Variants in MYO9B observed in about 807,000 individuals in gnomAD.
MYO9B encodes unconventional myosin-IXb.
A neutral mutation model predicts 229.5 loss-of-function variants in MYO9B; 71 were observed. The observed-to-expected ratio is 0.31, with a 90% CI of 0.26 to 0.38. The LOEUF is 0.38. Ranked by LOEUF, MYO9B falls within the 10% of genes least tolerant of loss-of-function variation. MYO9B has a pLI of 1.00. For synonymous variants in MYO9B, 1,185 were observed against 1,235.8 expected (o/e 0.96, Z 0.86); for missense variants, 2,255 against 2,920.5 (o/e 0.77, Z 5.25).
chr19:17,199,570 A>G (rs996550817), intron 24 of MYO9B, among the ~76,000 whole-genome samples: 2 of 151,688 alleles, frequency 1.3e-5, no homozygotes, highest in African/African-American at 4.8e-5. Flanking sequence ...CTGGAGTGCA[A>G]TGGCTCAATC....
At chr19:17,186,066 C>A (rs1407475609) in intron 18 of MYO9B, 65 bp downstream of exon 18, 5 of 1,441,640 alleles carry the variant, frequency 3.5e-6, no homozygotes, top group Non-Finnish European at 4.9e-6. Flanking sequence ...TGTCGGTGTC[C>A]CTGCATCCAG....
In MYO9B at chr19:17,212,143, C is replaced by T. The variant is rs773564592; in HGVS notation, c.6307C>T (p.Arg2103Cys). The T allele has an allele frequency of 1.8e-5, 29 of 1,587,174 alleles. No homozygotes were observed. Among genetic ancestry groups the T allele is most frequent in the Non-Finnish European group, 2.4e-5 (28 of 1,167,946 alleles). Residue 2103 changes from arginine to cysteine, a missense_variant, in exon 40 of 40, where the codon CGC becomes TGC. By Grantham distance (180) the Arg-to-Cys change is radical. This residue lies in a region of MYO9B where 331 missense variants were observed against 332.5 expected (regional missense o/e 1.00). Transcript: ENST00000682292. This position sits in a 1 kb window ranked among gnomAD's most constrained non-coding sequence, Gnocchi z 5.4. ...GCGGCGCCGGGAGCCACCTGCCCGC[C>T]GCCCGGACCAGATACATTCCGTGTA... The part of the protein sequence containing the change: ...PVRRREPPAR[R>C]PDQIHSVYIT...
rs147202874 is a variant in MYO9B at position 17,188,751 on chromosome 19, G to A, written c.2688+706G>A. On this transcript the variant is annotated intron_variant, in intron 19 of 39. Transcript: ENST00000682292. ...GTTCTGGGCGGGTGTAGTGGCACACGCCTGTAATCCCAACACTTTGGGAGG... is the reference window on the plus strand; with the variant it reads ...GTTCTGGGCGGGTGTAGTGGCACACACCTGTAATCCCAACACTTTGGGAGG... Among the ~76,000 whole-genome samples the A allele has an allele frequency of 8.8e-4, 134 of 152,250 alleles. 2 individuals carry two copies. The East Asian group carries it at 0.025, about 29-fold the overall frequency.
At chr19:17,192,304 G>A (rs1201303088) in intron 20 of MYO9B, among the ~76,000 whole-genome samples, 2 of 148,468 alleles carry the variant, frequency 1.3e-5, no homozygotes, top group Non-Finnish European at 3.0e-5. Context: ...AAAAAAAGGG[G>A]GGGCCACAGC....
chr19:17,167,247 G>A (rs916369996), intron 10 of MYO9B, among the ~76,000 whole-genome samples: 7 of 147,854 alleles, frequency 4.7e-5, no homozygotes, highest in African/African-American at 7.6e-5. Context: ...TGCCCGGGCT[G>A]GTCTCAAACT....
intron 3 of MYO9B, among the ~76,000 whole-genome samples, chr19:17,149,241 GCTC>G (rs2072450699): frequency 1.3e-5 from 2 of 152,126 alleles, no homozygotes; most frequent in Non-Finnish European, 2.9e-5. Context: ...GCCCCCCAAA[GCTC>G]TGGGGATTAC....
intron 2 of MYO9B, among the ~76,000 whole-genome samples, chr19:17,120,892 T>C (rs1013736235): frequency 1.3e-5 from 2 of 152,072 alleles, no homozygotes; most frequent in Non-Finnish European, 2.9e-5. Flanking sequence ...AGCAGGAGGA[T>C]TGCAAAGCCC....
intron 2 of MYO9B, among the ~76,000 whole-genome samples, chr19:17,144,370 C>G (rs1281774250): frequency 6.6e-6 from 1 of 151,746 alleles, no homozygotes; most frequent in Non-Finnish European, 1.5e-5. Flanking sequence ...TTTGGGAGAC[C>G]GAGGCGGGTG....
At chr19:17,197,894 A>G in intron 23 of MYO9B, 36 bp downstream of exon 23, 1 of 1,608,442 alleles carries the variant, frequency 6.2e-7, no homozygotes, top group South Asian at 1.1e-5. Flanking sequence ...TCTCCACTAA[A>G]AATACAAAAA....
At chr19:17,138,428 G>A (rs1253154920) in intron 2 of MYO9B, among the ~76,000 whole-genome samples, 4 of 152,128 alleles carry the variant, frequency 2.6e-5, no homozygotes, top group Non-Finnish European at 4.4e-5. Context: ...TAAAGGGATT[G>A]CTGCATACCT....
intron 2 of MYO9B, among the ~76,000 whole-genome samples, chr19:17,143,939 AAAAG>A: frequency 6.6e-6 from 1 of 151,830 alleles, no homozygotes; most frequent in East Asian, 1.9e-4. Context: ...AAAGAAAAGA[AAAAG>A]AAAAATAACT....
chr19:17,166,060 T>C (rs2072656016), intron 10 of MYO9B, among the ~76,000 whole-genome samples: 1 of 152,104 alleles, frequency 6.6e-6, no homozygotes, highest in African/African-American at 2.4e-5. Context: ...TTTTTTTTCT[T>C]GAGGCAGAGT....
At chr19:17,110,816 A>T (rs1031251705) in intron 2 of MYO9B, among the ~76,000 whole-genome samples, 3 of 152,054 alleles carry the variant, frequency 2.0e-5, no homozygotes, top group African/African-American at 7.2e-5. Context: ...TGCCCAGGAC[A>T]TTCCAGTGAG....
At chr19:17,159,720 T>C (rs1052907893) in intron 8 of MYO9B, among the ~76,000 whole-genome samples, 3 of 152,254 alleles carry the variant, frequency 2.0e-5, no homozygotes, top group Middle Eastern at 3.2e-3. Flanking sequence ...TTCCAGATGT[T>C]CCGTGTGCAT....
chr19:17,203,344 G>A, intron 30 of MYO9B, 86 bp downstream of exon 30: 3 of 1,051,012 alleles, frequency 2.9e-6, no homozygotes, highest in Non-Finnish European at 4.2e-6. Flanking sequence ...GCCAGGCGGG[G>A]TGGCTCACAC....
chr19:17,086,856 G>A (rs141321673), intron 1 of MYO9B, among the ~76,000 whole-genome samples: 1 of 144,738 alleles, frequency 6.9e-6, no homozygotes, highest in East Asian at 2.0e-4. Flanking sequence ...CTTCAGCCTG[G>A]AAAACAGAGC....
intron 2 of MYO9B, 99 bp from the exon 3 acceptor site, chr19:17,145,298 A>G (rs567649512): frequency 1.2e-4 from 130 of 1,107,686 alleles, no homozygotes; most frequent in Middle Eastern, 2.0e-4. Flanking sequence ...GATAAATTGA[A>G]CAATACAAAA....
intron 1 of MYO9B, chr19:17,095,743 G>C (rs2057681412): frequency 1.3e-5 from 2 of 152,278 alleles, no homozygotes; most frequent in South Asian, 4.1e-4. Flanking sequence ...TCTGTATGTA[G>C]TTATGTAATC....
intron 11 of MYO9B, among the ~76,000 whole-genome samples, chr19:17,169,813 T>TCC (rs2072702703): frequency 8.5e-5 from 12 of 140,638 alleles, no homozygotes; most frequent in Non-Finnish European, 1.5e-4. Context: ...TTTTTTTTTT[T>TCC]TTTTTTTTTT....
Sources: gnomAD v4.1 joint callset for allele counts (sites outside exome capture counted in the v4.1 genomes callset) on GRCh38, gnomAD v4.1.1 for gene constraint, gnomAD v4.1.1 regional missense constraint, Gnocchi (gnomAD v3.1) non-coding constraint, MANE v1.5 for transcripts, NCBI Gene and HGNC (gene_info 2026-07-23, HGNC 2026-07-21) for gene names.